Variants in FRAS1 observed in about 807,000 individuals in gnomAD.
FRAS1 encodes Fraser extracellular matrix complex subunit 1, also known as extracellular matrix organizing protein FRAS1.
In FRAS1, 290 loss-of-function variants were observed where a neutral mutation model predicts 435.2. That is an observed-to-expected ratio of 0.67 (90% CI 0.61 to 0.73). FRAS1 has a LOEUF of 0.73. FRAS1 is among the 30% of genes least tolerant of loss of function. The probability of loss-of-function intolerance (pLI) is 0.00; values close to 1 mark genes in which losing one functional copy is unlikely to be tolerated. For synonymous variants in FRAS1, 1,800 were observed against 1,851.0 expected (o/e 0.97, Z 0.71); for missense variants, 4,860 against 5,001.5 (o/e 0.97, Z 0.85).
chr4:78,109,459 A>G (rs1369750101), intron 2 of FRAS1, among the ~76,000 whole-genome samples: 1 of 152,016 alleles, frequency 6.6e-6, no homozygotes, highest in Non-Finnish European at 1.5e-5. Context: ...GAAAATCAAT[A>G]AACGTAATCT....
At chr4:78,469,629 T>G (rs558162513) in intron 50 of FRAS1, among the ~76,000 whole-genome samples, 1 of 78,024 alleles carries the variant, frequency 1.3e-5, no homozygotes, top group African/African-American at 1.0e-4. Context: ...GGAAAAGTAC[T>G]GTTTGGTTTT....
chr4:78,529,793 G>C (rs1315297640), intron 70 of FRAS1, among the ~76,000 whole-genome samples: 1 of 152,178 alleles, frequency 6.6e-6, no homozygotes, highest in Non-Finnish European at 1.5e-5. Context: ...AGGCAGGATG[G>C]AGCAGAAAGG....
chr4:78,229,628 T>C (rs1396704204), intron 2 of FRAS1, among the ~76,000 whole-genome samples: 1 of 151,552 alleles, frequency 6.6e-6, no homozygotes, highest in Non-Finnish European at 1.5e-5. Flanking sequence ...AGTCAGAGAG[T>C]AGAAGTAAGA....
intron 2 of FRAS1, among the ~76,000 whole-genome samples, chr4:78,187,497 G>A (rs1374374296): frequency 6.6e-6 from 1 of 152,172 alleles, no homozygotes; most frequent in Non-Finnish European, 1.5e-5. Context: ...TTCTGGGGGA[G>A]AAGTCAAGGA....
chr4:78,376,683 G>A (rs1159920738), intron 26 of FRAS1, among the ~76,000 whole-genome samples: 5 of 151,972 alleles, frequency 3.3e-5, no homozygotes, highest in African/African-American at 7.3e-5. Flanking sequence ...AGGCTACCCC[G>A]TTTGCCCTTA....
At chr4:78,305,316 T>G (rs913571917) in intron 14 of FRAS1, among the ~76,000 whole-genome samples, 10 of 151,888 alleles carry the variant, frequency 6.6e-5, no homozygotes, top group African/African-American at 2.4e-4. Flanking sequence ...TGTGGTGTGG[T>G]GCTGAAAAGA....
At position 78,333,380 on chromosome 4, in the gene FRAS1, A is replaced by G. The variant is rs1360573829; in HGVS notation, c.2246A>G (p.Asp749Gly). 1 of 1,612,100 alleles carries G rather than the reference A, an allele frequency of 6.2e-7. No individual in the cohort carries two copies. Among genetic ancestry groups the G allele is most frequent in the East Asian group, 2.2e-5 (1 of 44,798 alleles). Residue 749 changes from aspartate (D) to glycine (G), a missense_variant, in exon 19 of 74, where the codon GAT (aspartate) becomes GGT (glycine). Coordinates refer to ENST00000512123, the MANE Select transcript of FRAS1 (RefSeq NM_025074.7). ...GGGCAGTGCCTCTCCCAGTGCCCAG[A>G]TGGCTACTTTCACCAGGAAGGTAGT... ...LDGQCLSQCP[D>G]GYFHQEGSCT...
intron 2 of FRAS1, chr4:78,068,713 C>T: frequency 5.3e-6 from 2 of 380,752 alleles, no homozygotes; most frequent in East Asian, 1.5e-4. Context: ...AAATTTCTGT[C>T]AAATTAAGTG....
intron 2 of FRAS1, among the ~76,000 whole-genome samples, chr4:78,073,826 T>C (rs1740484898): frequency 6.6e-6 from 1 of 152,326 alleles, no homozygotes; most frequent in East Asian, 1.9e-4. Context: ...AAATTTTATG[T>C]GGATGACATT....
intron 44 of FRAS1, 145 bp from the exon 45 acceptor site, chr4:78,450,006 C>A: frequency 1.8e-6 from 1 of 565,872 alleles, no homozygotes; most frequent in Non-Finnish European, 3.0e-6. Context: ...ATAATTTATT[C>A]AGCTGGAAAC....
chr4:78,071,751 G>T lies in FRAS1; in HGVS notation c.108+5735G>T, dbSNP rs1578105073. The T allele has an allele frequency of 2.6e-5, 4 of 152,294 alleles. No individual in the cohort carries two copies. In the South Asian group the frequency reaches 8.3e-4, roughly 32 times the overall value. The allele number at this position is 152,294 out of a possible 1,614,324, so 9.4% of individuals were successfully genotyped here. ...TCAATGAATTAAAGTTTAAATTTGA[G>T]TAGCCACATATAGATAGTGGCTACT... On this transcript the variant is annotated intron_variant, in intron 2 of 73. Coordinates refer to ENST00000512123, the MANE Select transcript of FRAS1 (RefSeq NM_025074.7).
At chr4:78,098,583 C>T (rs112305061) in intron 2 of FRAS1, among the ~76,000 whole-genome samples, 26 of 152,180 alleles carry the variant, frequency 1.7e-4, no homozygotes, top group African/African-American at 6.3e-4. Context: ...CAGGATAGAT[C>T]TTGATTCTCT....
chr4:78,092,235 A>G (rs1455298880), intron 2 of FRAS1, among the ~76,000 whole-genome samples: 1 of 152,058 alleles, frequency 6.6e-6, no homozygotes, highest in Non-Finnish European at 1.5e-5. Flanking sequence ...GCTACGCACA[A>G]CTCAGGTCTC....
chr4:78,186,777 A>G (rs1722288012), intron 2 of FRAS1, among the ~76,000 whole-genome samples: 3 of 152,234 alleles, frequency 2.0e-5, no homozygotes, highest in South Asian at 4.1e-4. Flanking sequence ...TTCCCGGGGT[A>G]AAAACCCTTA....
intron 2 of FRAS1, among the ~76,000 whole-genome samples, chr4:78,195,586 A>G (rs1208378080): frequency 1.3e-5 from 2 of 152,270 alleles, no homozygotes; most frequent in Non-Finnish European, 2.9e-5. Flanking sequence ...GTGGGATATA[A>G]TCTCCTGGTG....
intron 17 of FRAS1, among the ~76,000 whole-genome samples, chr4:78,317,916 GTGAAATGGAAAAATCTTAAATAGC>G (rs1729344369): frequency 6.6e-6 from 1 of 152,190 alleles, no homozygotes; most frequent in Non-Finnish European, 1.5e-5. Context: ...TCTGGGCTGA[GTGAAATGGAAAAATCTTAAATAGC>G]TGTTTACCAT....
At chr4:78,277,837 G>A (rs923562059) in intron 9 of FRAS1, among the ~76,000 whole-genome samples, 3 of 150,494 alleles carry the variant, frequency 2.0e-5, no homozygotes, top group South Asian at 2.1e-4. Context: ...TTTTTGAGAC[G>A]GAGTCTCACT....
At chr4:78,367,333 TG>T (rs1413602460) in intron 22 of FRAS1, among the ~76,000 whole-genome samples, 1 of 147,332 alleles carries the variant, frequency 6.8e-6, no homozygotes, top group African/African-American at 2.5e-5. Context: ...GCCCGGGAGG[TG>T]GAGGCTACAG....
chr4:78,307,943 A>G, intron 14 of FRAS1, 123 bp from the exon 15 acceptor site: 1 of 913,446 alleles, frequency 1.1e-6, no homozygotes, highest in South Asian at 1.9e-5. Context: ...ATGTGTCAAT[A>G]GCAGTTTAGG....
Sources: gnomAD v4.1 joint callset for allele counts (sites outside exome capture counted in the v4.1 genomes callset) on GRCh38, gnomAD v4.1.1 for gene constraint, MANE v1.5 for transcripts, NCBI Gene and HGNC (gene_info 2026-07-23, HGNC 2026-07-21) for gene names.